The following FYB1 variants were observed in gnomAD, a reference collection of about 807,000 sequenced individuals.
FYB1 encodes FYN binding protein 1, also known as FYN-binding protein 1.
FYB1 carries 41 observed loss-of-function variants against 94.1 expected under a neutral mutation model. The ratio of observed to expected loss-of-function variants is 0.44; its 90% CI spans 0.34 to 0.57. The LOEUF (loss-of-function observed/expected upper bound fraction) is 0.57. FYB1 is among the 20% of genes least tolerant of loss of function. FYB1 has a pLI of 0.02. For synonymous variants in FYB1, 367 were observed against 353.2 expected, an observed-to-expected ratio of 1.04 and a Z score of -0.44; for missense variants, 1,050 against 976.8, an observed-to-expected ratio of 1.07 and a Z score of -1.00.
intron 1 of FYB1, among the ~76,000 whole-genome samples, chr5:39,244,774 CT>C (rs558457656): frequency 6.6e-6 from 1 of 152,074 alleles, no homozygotes; most frequent in East Asian, 1.9e-4. Context: ...TGGTCCTGGA[CT>C]TTTTTTGGTT....
At chr5:39,203,702 G>A (rs1287996350) in intron 1 of FYB1, among the ~76,000 whole-genome samples, 2 of 152,146 alleles carry the variant, frequency 1.3e-5, no homozygotes, top group South Asian at 2.1e-4. Context: ...ATGGTCTGGA[G>A]GCACAAGGGG....
rs1270310984 is a variant in FYB1 at position 39,107,161 on chromosome 5, A to G, written c.*282T>C. 2 of 242,272 alleles carry G rather than the reference A, an allele frequency of 8.3e-6. No individual in the cohort carries two copies. Among genetic ancestry groups the G allele is most frequent in the Non-Finnish European group, 1.6e-5 (2 of 125,216 alleles). The allele number at this position is 242,272 out of a possible 1,614,324, so 15.0% of individuals were successfully genotyped here. A position where few individuals can be genotyped will look rare whatever the true frequency, so the allele number is the denominator to read the frequency against. On this transcript the variant is annotated 3_prime_UTR_variant, in exon 19 of 19. Transcript: ENST00000512982. Reference sequence around the variant, plus strand: ...GGAGGATTATTTACTGGTGGTCTAAAAGAAGTACCTTCAACTTCTTCATAA... The same window carrying G: ...GGAGGATTATTTACTGGTGGTCTAAGAGAAGTACCTTCAACTTCTTCATAA...
intron 1 of FYB1, among the ~76,000 whole-genome samples, chr5:39,255,981 A>T (rs1375328418): frequency 6.6e-6 from 1 of 152,202 alleles, no homozygotes; most frequent in African/African-American, 2.4e-5. Context: ...TCCACTGATG[A>T]TCTAGGTCAC....
intron 2 of FYB1, among the ~76,000 whole-genome samples, chr5:39,156,542 C>G (rs1378161256): frequency 1.3e-5 from 2 of 152,186 alleles, no homozygotes; most frequent in Non-Finnish European, 2.9e-5. Context: ...AGGCACTAAA[C>G]TAATTGAACA....
chr5:39,258,928 A>G (rs1752095985), intron 1 of FYB1, among the ~76,000 whole-genome samples: 1 of 152,166 alleles, frequency 6.6e-6, no homozygotes, highest in Admixed American at 6.6e-5. Flanking sequence ...TAGCTTTTAT[A>G]GTGTAGGGTC....
At chr5:39,142,755 C>T (rs1742300018) in intron 3 of FYB1, among the ~76,000 whole-genome samples, 2 of 152,190 alleles carry the variant, frequency 1.3e-5, no homozygotes, top group South Asian at 4.1e-4. Context: ...TGCAATCTTT[C>T]CCCTATTGCC....
Position 39,134,944 on chromosome 5 carries a change from A to T in FYB1, c.1586T>A (p.Leu529Gln). 1 of 1,613,974 alleles carries T rather than the reference A, an allele frequency of 6.2e-7. No individual in the cohort carries two copies. The highest frequency in any genetic ancestry group is 8.5e-7 in the Non-Finnish European group (1 of 1,179,876). ...AATTTGCTCTCCTTGCTTGAAGCTC[A>T]GTTCATTCTTTCCTCCTTTGACATC... ...CCDVKGGKNE[L>Q]SFKQGEQIEI... The change falls in exon 8 of 19, where the codon CTG (leucine) becomes CAG (glutamine). Residue 529 changes from leucine to glutamine, a missense_variant. Transcript: ENST00000512982.
rs142116407 is a variant in FYB1, at chr5:39,112,610, T to C, written c.2402-2221A>G. Among the ~76,000 whole-genome samples the C allele has an allele frequency of 4.9e-3, 746 of 152,228 alleles. 3 individuals are homozygous for C. The highest frequency in any genetic ancestry group is 0.016 in the African/African-American group (670 of 41,576). On this transcript the variant is annotated intron_variant, in intron 16 of 18. Transcript: ENST00000512982. ...GCTTACGCTTTTAGGTAATCTATTTTTTAAAACTCATTTATGCTAAAATGT... is the reference window on the plus strand; with the variant it reads ...GCTTACGCTTTTAGGTAATCTATTTCTTAAAACTCATTTATGCTAAAATGT...
chr5:39,150,113 G>T (rs370237809), intron 3 of FYB1, among the ~76,000 whole-genome samples: 1 of 151,752 alleles, frequency 6.6e-6, no homozygotes, highest in African/African-American at 2.4e-5. Flanking sequence ...CTAAATTCCC[G>T]CACTGGGCCC....
intron 3 of FYB1, among the ~76,000 whole-genome samples, chr5:39,151,769 A>T (rs1241607317): frequency 6.6e-6 from 1 of 152,206 alleles, no homozygotes; most frequent in Non-Finnish European, 1.5e-5. Flanking sequence ...CTTTGATTAG[A>T]AAAGGGAGGA....
rs1201761643 is a variant in FYB1, at chr5:39,202,279, G to C, written c.682C>G (p.Pro228Ala). The change falls in exon 2 of 19, where the codon CCC (proline) becomes GCC (alanine). Residue 228 changes from proline to alanine, a missense_variant. Physicochemically the swap from Pro to Ala is conservative, Grantham distance 27. Coordinates refer to ENST00000512982, the MANE Select transcript of FYB1 (RefSeq NM_001465.6). ...CCGCTTTTGGACCTGACTCCCAGGGGAGCTGGGGACCCTTTTGATGAAGAC... is the reference window on the plus strand; with the variant it reads ...CCGCTTTTGGACCTGACTCCCAGGGCAGCTGGGGACCCTTTTGATGAAGAC... ...NVSSSKGSPA[P>A]LGVRSKSGPL... The C allele has an allele frequency of 5.0e-6, 8 of 1,613,740 alleles. No homozygotes were observed. In the African/African-American group the frequency reaches 8.0e-5, roughly 16 times the overall value.
intron 13 of FYB1, among the ~76,000 whole-genome samples, chr5:39,122,757 G>A (rs1465017645): frequency 6.6e-6 from 1 of 152,106 alleles, no homozygotes; most frequent in Non-Finnish European, 1.5e-5. Context: ...CCACTGGCAG[G>A]ATGAAGTAGA....
chr5:39,231,124 A>C (rs1750714498), intron 1 of FYB1, among the ~76,000 whole-genome samples: 1 of 147,788 alleles, frequency 6.8e-6, no homozygotes, highest in Non-Finnish European at 1.5e-5. Flanking sequence ...TTGATGGAAT[A>C]GAAAAAAGTA....
At chr5:39,142,821 C>G (rs954520158) in intron 3 of FYB1, among the ~76,000 whole-genome samples, 1 of 152,222 alleles carries the variant, frequency 6.6e-6, no homozygotes, top group African/African-American at 2.4e-5. Flanking sequence ...ACTGGACCCT[C>G]TCAAACTGCA....
At chr5:39,189,150 G>A (rs1461296788) in intron 2 of FYB1, among the ~76,000 whole-genome samples, 2 of 151,660 alleles carry the variant, frequency 1.3e-5, no homozygotes, top group Non-Finnish European at 2.9e-5. Flanking sequence ...GTTGTCTGGG[G>A]TATCCTTGTA....
intron 1 of FYB1, among the ~76,000 whole-genome samples, chr5:39,241,982 T>C (rs1751230402): frequency 6.6e-6 from 1 of 152,194 alleles, no homozygotes; most frequent in African/African-American, 2.4e-5. Context: ...CTTTCAGCCA[T>C]ATTCCCTCCA....
At chr5:39,239,876 G>A (rs1408865012) in intron 1 of FYB1, among the ~76,000 whole-genome samples, 1 of 152,098 alleles carries the variant, frequency 6.6e-6, no homozygotes, top group Non-Finnish European at 1.5e-5. Flanking sequence ...ATAAAGAACA[G>A]AGCTGTAGCC....
At chr5:39,219,565 G>C, upstream of FYB1, 23 of 985,482 alleles carry the variant, frequency 2.3e-5, no homozygotes, top group Non-Finnish European at 2.8e-5. Context: ...AAGAACTGCG[G>C]AGCTTTCTGA....
intron 2 of FYB1, among the ~76,000 whole-genome samples, chr5:39,178,301 T>C (rs529292929): frequency 6.6e-6 from 1 of 152,352 alleles, no homozygotes; most frequent in African/African-American, 2.4e-5. Context: ...GCAACATTCA[T>C]GTGTGAACAT....
Sources: allele counts gnomAD v4.1 joint callset (sites outside exome capture counted in the v4.1 genomes callset), GRCh38; gene constraint gnomAD v4.1.1; transcripts MANE v1.5; gene names NCBI Gene and HGNC (gene_info 2026-07-23, HGNC 2026-07-21).